The following ACER1 variants were observed in gnomAD, a reference collection of about 807,000 sequenced individuals.
ACER1 encodes CTB-180A7.3.
In ACER1, 28 loss-of-function variants were observed where a neutral mutation model predicts 24.9. That is an observed-to-expected ratio of 1.13 (90% CI 0.83 to 1.54). The LOEUF (loss-of-function observed/expected upper bound fraction) is 1.54, where lower values mean the gene tolerates loss of function less well. Ranked by LOEUF, ACER1 falls within the 40% of genes most tolerant of loss-of-function variation. ACER1 has a pLI of 0.00. For synonymous variants in ACER1, 132 were observed against 131.4 expected (o/e 1.00, Z -0.03); for missense variants, 352 against 349.3 (o/e 1.01, Z -0.06).
the ACER1 span, among the ~76,000 whole-genome samples, chr19:6,352,758 T>C: frequency 6.6e-6 from 1 of 152,246 alleles, no homozygotes; most frequent in East Asian, 1.9e-4. Context: ...GCTGTAGCAA[T>C]GTCCATGAGC....
intron 3 of ACER1, among the ~76,000 whole-genome samples, chr19:6,311,637 A>C (rs12608582): frequency 6.7e-6 from 1 of 148,256 alleles, no homozygotes; most frequent in Admixed American, 6.7e-5. Context: ...GGAGGAGAAG[A>C]AGAAGAAGAA....
At chr19:6,319,814 T>C (rs2145006993) in intron 1 of ACER1, among the ~76,000 whole-genome samples, 1 of 152,030 alleles carries the variant, frequency 6.6e-6, no homozygotes, top group South Asian at 2.1e-4. Context: ...AGAATACACA[T>C]AAATAATACA....
intron 1 of ACER1, 82 bp from the exon 2 acceptor site, chr19:6,312,581 C>T: frequency 9.1e-7 from 1 of 1,096,728 alleles, no homozygotes; most frequent in African/African-American, 1.5e-5. Context: ...CACTCAGTCA[C>T]CAGCCAGTCG....
the ACER1 span, among the ~76,000 whole-genome samples, chr19:6,340,280 CA>C: frequency 7.8e-6 from 1 of 128,074 alleles, no homozygotes; most frequent in African/African-American, 3.0e-5. Flanking sequence ...ACTCTGTCTC[CA>C]AAAAAAGAAA....
At chr19:6,338,059 C>T (rs1245845884), upstream of ACER1, among the ~76,000 whole-genome samples, 1 of 148,718 alleles carries the variant, frequency 6.7e-6, no homozygotes, top group Non-Finnish European at 1.5e-5. Flanking sequence ...CTAACCTGGG[C>T]AAAAAGAGGG....
chr19:6,321,985 C>T (rs2091633447), intron 1 of ACER1, among the ~76,000 whole-genome samples: 1 of 151,808 alleles, frequency 6.6e-6, no homozygotes, highest in Non-Finnish European at 1.5e-5. Context: ...TCCTGCAATT[C>T]TTGTTGAATA....
At chr19:6,357,384 G>T in the ACER1 span, among the ~76,000 whole-genome samples, 16 of 152,016 alleles carry the variant, frequency 1.1e-4, no homozygotes, top group South Asian at 3.3e-3. Context: ...TTTGTGGCTG[G>T]ATTGAGCTTG....
At chr19:6,356,173 C>T in the ACER1 span, among the ~76,000 whole-genome samples, 4 of 150,492 alleles carry the variant, frequency 2.7e-5, no homozygotes, top group South Asian at 4.2e-4. Context: ...TGACCTTACC[C>T]CCAACCCTGT....
intron 1 of ACER1, among the ~76,000 whole-genome samples, chr19:6,323,261 A>T (rs2091640774): frequency 6.6e-6 from 1 of 152,120 alleles, no homozygotes; most frequent in South Asian, 2.1e-4. Flanking sequence ...TCTACTAAAA[A>T]TACAAAAAAT....
chr19:6,312,559 C>A, intron 1 of ACER1, 60 bp from the exon 2 acceptor site: 2 of 1,381,426 alleles, frequency 1.4e-6, no homozygotes, highest in Non-Finnish European at 2.1e-6. Flanking sequence ...AGGAGGCTGC[C>A]CTCTGTCCAG....
At chr19:6,327,382 G>A (rs1045524938) in intron 1 of ACER1, among the ~76,000 whole-genome samples, 3 of 151,964 alleles carry the variant, frequency 2.0e-5, no homozygotes, top group Admixed American at 6.6e-5. Context: ...TGGCTAACAC[G>A]GTGAAACCCC....
At chr19:6,355,850 G>T in the ACER1 span, among the ~76,000 whole-genome samples, 1 of 149,340 alleles carries the variant, frequency 6.7e-6, no homozygotes, top group Admixed American at 6.6e-5. Context: ...GGGAGGTGGG[G>T]GGGTCAGCCC....
chr19:6,322,008 T>A (rs539234992), intron 1 of ACER1, among the ~76,000 whole-genome samples: 47 of 151,924 alleles, frequency 3.1e-4, no homozygotes, highest in African/African-American at 1.1e-3. Flanking sequence ...GAAGAAATTG[T>A]TGTCCCAACA....
chr19:6,337,699 G>T (rs1206365520), upstream of ACER1, among the ~76,000 whole-genome samples: 6 of 36,146 alleles, frequency 1.7e-4, no homozygotes, highest in African/African-American at 1.8e-4. Flanking sequence ...TTTTTGAGAT[G>T]GAGTCTTGCT....
At chr19:6,312,637 A>G (rs1371206057) in intron 1 of ACER1, 138 bp from the exon 2 acceptor site, 6 of 639,440 alleles carry the variant, frequency 9.4e-6, no homozygotes, top group African/African-American at 1.9e-5. Context: ...GGATTTGTCA[A>G]TCACTCACCT....
chr19:6,313,703 G>C (rs2091591569), intron 1 of ACER1, among the ~76,000 whole-genome samples: 1 of 152,238 alleles, frequency 6.6e-6, no homozygotes, highest in South Asian at 2.1e-4. Context: ...AGACGATGCA[G>C]TACCTTTTTG....
intron 3 of ACER1, among the ~76,000 whole-genome samples, chr19:6,311,616 G>GAGGAGGAGGAGAAGAAGA (rs1568308547): frequency 3.4e-5 from 5 of 148,192 alleles, no homozygotes; most frequent in Non-Finnish European, 6.0e-5. Context: ...GAAGGAGAAG[G>GAGGAGGAGGAGAAGAAGA]AGAAGGAGGA....
chr19:6,322,733 C>T (rs775007630), intron 1 of ACER1, among the ~76,000 whole-genome samples: 14 of 152,122 alleles, frequency 9.2e-5, no homozygotes, highest in East Asian at 1.9e-4. Flanking sequence ...CCACAATTCC[C>T]GTGTGATTGA....
chr19:6,355,279 C>G, the ACER1 span, among the ~76,000 whole-genome samples: 1 of 151,180 alleles, frequency 6.6e-6, no homozygotes. Flanking sequence ...TCTGCCTGGC[C>G]GCCCATCGTC....
Sources: allele counts gnomAD v4.1 joint callset (sites outside exome capture counted in the v4.1 genomes callset), GRCh38; gene constraint gnomAD v4.1.1; transcripts MANE v1.5; gene names NCBI Gene and HGNC (gene_info 2026-07-23, HGNC 2026-07-21).